Variants in GALM observed in about 807,000 individuals in gnomAD.
The protein encoded by GALM is galactose mutarotase, also known as aldose 1-epimerase.
Under a neutral mutation model 37.4 loss-of-function variants are expected in GALM, and 43 were observed. The observed-to-expected ratio is 1.15, with a 90% CI of 0.90 to 1.48. GALM has a LOEUF of 1.48. Ranked by LOEUF, GALM falls within the 40% of genes most tolerant of loss-of-function variation. GALM has a pLI of 0.00. For missense variants in GALM, 456 were observed against 419.1 expected (o/e 1.09, Z -0.77); for synonymous variants, 199 against 170.6 (o/e 1.17, Z -1.30).
intron 4 of GALM, among the ~76,000 whole-genome samples, chr2:38,710,135 G>A (rs1666118373): frequency 6.6e-6 from 1 of 152,192 alleles, no homozygotes; most frequent in Non-Finnish European, 1.5e-5. Context: ...CAGCATTCAT[G>A]TGCACACAGA....
chr2:38,680,892 T>C (rs1211871515), intron 2 of GALM, among the ~76,000 whole-genome samples: 1 of 152,098 alleles, frequency 6.6e-6, no homozygotes, highest in East Asian at 1.9e-4. Flanking sequence ...TCTCAGCACC[T>C]TGGGAGGCCG....
intron 4 of GALM, among the ~76,000 whole-genome samples, chr2:38,693,055 A>G (rs1435833308): frequency 6.6e-6 from 1 of 152,180 alleles, no homozygotes; most frequent in East Asian, 1.9e-4. Flanking sequence ...GGGTGGCCCC[A>G]GGCTGGCCTG....
intron 1 of GALM, chr2:38,668,394 T>C (rs996178165): frequency 2.0e-5 from 3 of 152,198 alleles, no homozygotes; most frequent in Non-Finnish European, 4.4e-5. Flanking sequence ...TGTAGAGGTG[T>C]GGGCTGTGAC....
intron 3 of GALM, among the ~76,000 whole-genome samples, chr2:38,684,783 G>T (rs1240944173): frequency 6.6e-6 from 1 of 152,116 alleles, no homozygotes; most frequent in Non-Finnish European, 1.5e-5. Context: ...CTCCATCTTG[G>T]ATGACACAGT....
intron 2 of GALM, among the ~76,000 whole-genome samples, chr2:38,680,837 AAT>A (rs1295737260): frequency 1.3e-5 from 2 of 152,118 alleles, no homozygotes; most frequent in South Asian, 2.1e-4. Context: ...AAACATTTGT[AAT>A]AATTAAAATC....
Position 38,681,262 on chromosome 2 carries a change from GA to G in GALM, c.346-14del, listed in dbSNP as rs756246473. On this transcript the variant is annotated splice_polypyrimidine_tract_variant and intron_variant, in intron 2 of 6. Coordinates refer to ENST00000272252, the MANE Select transcript of GALM (RefSeq NM_138801.3). ...GAGGATGGAGCAACTACACAACTTT[GA>G]AAACACTTTTTTCCAGGTGCTCTGG... 2.5e-5 allele frequency: 41 copies of G among 1,608,294 alleles called. No homozygotes were observed. The African/African-American group carries it at 4.9e-4, about 19-fold the overall frequency.
chr2:38,680,147 T>A (rs1432272743), intron 2 of GALM: 1 of 431,056 alleles, frequency 2.3e-6, no homozygotes, highest in East Asian at 7.6e-5. Flanking sequence ...GCCTCCCGAG[T>A]AGCTAGGACT....
chr2:38,719,159 A>T (rs529413617), intron 4 of GALM, among the ~76,000 whole-genome samples: 1 of 151,940 alleles, frequency 6.6e-6, no homozygotes, highest in South Asian at 2.1e-4. Flanking sequence ...CAGTTAGCCA[A>T]TCCCAATTTA....
intron 1 of GALM, among the ~76,000 whole-genome samples, chr2:38,672,908 G>A (rs1470319763): frequency 6.6e-6 from 1 of 152,030 alleles, no homozygotes; most frequent in Non-Finnish European, 1.5e-5. Context: ...TACTTGGAAG[G>A]CTGAGGCAGG....
chr2:38,715,066 A>T (rs1446881090), intron 4 of GALM, among the ~76,000 whole-genome samples: 1 of 152,160 alleles, frequency 6.6e-6, no homozygotes, highest in African/African-American at 2.4e-5. Context: ...CATATTTACA[A>T]TTGTCATAGC....
intron 6 of GALM, among the ~76,000 whole-genome samples, chr2:38,732,260 T>C (rs529443603): frequency 6.6e-6 from 1 of 152,300 alleles, no homozygotes; most frequent in East Asian, 1.9e-4. Flanking sequence ...TTCCACCATG[T>C]TGGCCAGGCT....
At chr2:38,680,987 T>C (rs1466259168) in intron 2 of GALM, among the ~76,000 whole-genome samples, 1 of 151,814 alleles carries the variant, frequency 6.6e-6, no homozygotes, top group Non-Finnish European at 1.5e-5. Context: ...AATGCAAAAA[T>C]TAGCCAGGTA....
intron 4 of GALM, among the ~76,000 whole-genome samples, chr2:38,711,812 T>C (rs376007487): frequency 7.1e-5 from 6 of 84,956 alleles, no homozygotes; most frequent in East Asian, 3.8e-4. Flanking sequence ...ATCACCATCA[T>C]CATCATCACT....
At chr2:38,727,698 C>A (rs1236872314) in intron 4 of GALM, among the ~76,000 whole-genome samples, 3 of 149,760 alleles carry the variant, frequency 2.0e-5, no homozygotes, top group Non-Finnish European at 4.4e-5. Context: ...GCACTCCAGC[C>A]CAGGCAACAG....
chr2:38,694,771 C>T (rs1356605736), intron 4 of GALM, among the ~76,000 whole-genome samples: 1 of 151,886 alleles, frequency 6.6e-6, no homozygotes, highest in South Asian at 2.1e-4. Context: ...GTGGCAGGCG[C>T]CTATAGTCCC....
intron 3 of GALM, among the ~76,000 whole-genome samples, chr2:38,688,419 G>A (rs996973014): frequency 1.3e-5 from 2 of 152,034 alleles, no homozygotes; most frequent in African/African-American, 4.8e-5. Flanking sequence ...GCCGAGGCAG[G>A]AGAATCACTT....
chr2:38,699,553 C>T (rs532736692), intron 4 of GALM, among the ~76,000 whole-genome samples: 35 of 152,214 alleles, frequency 2.3e-4, no homozygotes, highest in African/African-American at 8.4e-4. Context: ...TGCGGTGGCT[C>T]ATGCCTGTAA....
intron 4 of GALM, among the ~76,000 whole-genome samples, chr2:38,711,800 C>CTATCACCACCAT (rs1243312307): frequency 9.3e-6 from 1 of 107,240 alleles, no homozygotes; most frequent in Non-Finnish European, 2.0e-5. Context: ...ATCACCATCA[C>CTATCACCACCAT]CATCACCATC....
intron 3 of GALM, among the ~76,000 whole-genome samples, chr2:38,685,700 G>A (rs1665500477): frequency 6.6e-6 from 1 of 150,770 alleles, no homozygotes; most frequent in South Asian, 2.1e-4. Flanking sequence ...AAAGAAGCAT[G>A]CATTTTTATT....
Sources: allele counts gnomAD v4.1 joint callset (sites outside exome capture counted in the v4.1 genomes callset), GRCh38; gene constraint gnomAD v4.1.1; transcripts MANE v1.5; gene names NCBI Gene and HGNC (gene_info 2026-07-23, HGNC 2026-07-21).